The following SUGCT variants were observed in gnomAD, a reference collection of about 807,000 sequenced individuals.
SUGCT encodes the protein succinyl-CoA:glutarate-CoA transferase.
Under a neutral mutation model 55.0 loss-of-function variants are expected in SUGCT, and 41 were observed. That is an observed-to-expected ratio of 0.74 (90% CI 0.58 to 0.97). The LOEUF (loss-of-function observed/expected upper bound fraction) is 0.97. Ranked by LOEUF, SUGCT falls within the 50% of genes least tolerant of loss-of-function variation. The pLI is 0.00. For synonymous variants in SUGCT, 187 were observed against 200.4 expected, an observed-to-expected ratio of 0.93 and a Z score of 0.56; for missense variants, 568 against 547.8, an observed-to-expected ratio of 1.04 and a Z score of -0.37.
intron 12 of SUGCT, among the ~76,000 whole-genome samples, chr7:40,741,221 G>A (rs1205566448): frequency 2.6e-5 from 4 of 151,452 alleles, no homozygotes; most frequent in Admixed American, 2.0e-4. Flanking sequence ...TCAGTGAGCC[G>A]AGATCACGCC....
chr7:40,340,059 C>A (rs911686069), intron 9 of SUGCT, among the ~76,000 whole-genome samples: 4 of 152,084 alleles, frequency 2.6e-5, no homozygotes, highest in African/African-American at 9.7e-5. Flanking sequence ...CATTCCTGGA[C>A]CCTAGGTTAA....
the SUGCT span, among the ~76,000 whole-genome samples, chr7:40,880,938 A>C: frequency 5.9e-5 from 9 of 152,350 alleles, no homozygotes; most frequent in African/African-American, 2.2e-4. Context: ...ATGACCCTCA[A>C]GCATTTGGTC....
intron 9 of SUGCT, among the ~76,000 whole-genome samples, chr7:40,390,418 A>T (rs2151299988): frequency 6.6e-6 from 1 of 152,334 alleles, no homozygotes; most frequent in East Asian, 1.9e-4. Context: ...CCTTAAGCTG[A>T]TAAGCAACTT....
intron 12 of SUGCT, among the ~76,000 whole-genome samples, chr7:40,696,981 T>G (rs1784960788): frequency 6.6e-6 from 1 of 152,164 alleles, no homozygotes; most frequent in South Asian, 2.1e-4. Context: ...TAGATTATAG[T>G]GTGTAATTAG....
chr7:40,794,670 G>A (rs139881986), intron 13 of SUGCT, among the ~76,000 whole-genome samples: 64 of 152,164 alleles, frequency 4.2e-4, no homozygotes, highest in African/African-American at 1.4e-3. Context: ...TTTGCTGTGT[G>A]TACTGGATCC....
intron 13 of SUGCT, among the ~76,000 whole-genome samples, chr7:40,835,742 T>C (rs1792931772): frequency 6.6e-6 from 1 of 152,198 alleles, no homozygotes; most frequent in Admixed American, 6.5e-5. Flanking sequence ...AATGTTAAGC[T>C]TCATGAACCC....
chr7:40,198,911 A>G (rs980629574), intron 6 of SUGCT, among the ~76,000 whole-genome samples: 1 of 151,988 alleles, frequency 6.6e-6, no homozygotes, highest in African/African-American at 2.4e-5. Flanking sequence ...GGAGAATTGC[A>G]TGAACCTGGA....
intron 1 of SUGCT, among the ~76,000 whole-genome samples, 189 bp from the exon 2 acceptor site, chr7:40,180,758 G>A (rs1198962450): frequency 6.6e-6 from 1 of 152,100 alleles, no homozygotes; most frequent in Admixed American, 6.5e-5. Flanking sequence ...GAAAGTGCTG[G>A]GATACAGGAG....
At chr7:40,182,556 C>A (rs1304809620) in intron 3 of SUGCT, among the ~76,000 whole-genome samples, 1 of 138,642 alleles carries the variant, frequency 7.2e-6, no homozygotes, top group South Asian at 2.3e-4. Context: ...AGCAAGACTC[C>A]GTTTCAAAAA....
chr7:40,598,881 G>T (rs1798156620), intron 12 of SUGCT, among the ~76,000 whole-genome samples: 1 of 152,186 alleles, frequency 6.6e-6, no homozygotes, highest in Admixed American at 6.5e-5. Flanking sequence ...TTGAGAGAGA[G>T]AGAATATTAG....
chr7:40,682,729 C>G (rs1469111796), intron 12 of SUGCT, among the ~76,000 whole-genome samples: 1 of 151,932 alleles, frequency 6.6e-6, no homozygotes, highest in African/African-American at 2.4e-5. Context: ...CCCTCCCCAC[C>G]CCCCAAAAAA....
At chr7:40,855,072 G>C (rs1340419806) in intron 13 of SUGCT, among the ~76,000 whole-genome samples, 1 of 151,078 alleles carries the variant, frequency 6.6e-6, no homozygotes, top group Non-Finnish European at 1.5e-5. Flanking sequence ...CTAGTGCTTA[G>C]GTCTTGAATT....
chr7:40,619,930 A>T (rs998465840), intron 12 of SUGCT, among the ~76,000 whole-genome samples: 3 of 152,238 alleles, frequency 2.0e-5, no homozygotes, highest in Non-Finnish European at 4.4e-5. Flanking sequence ...TCACACAGCA[A>T]CAGGATAACT....
At chr7:40,930,359 C>T in the SUGCT span, among the ~76,000 whole-genome samples, 1 of 152,156 alleles carries the variant, frequency 6.6e-6, no homozygotes, top group Non-Finnish European at 1.5e-5. Context: ...TAGCGTGATG[C>T]CTCCAGCTTT....
chr7:40,158,691 A>T (rs547350206), intron 1 of SUGCT, among the ~76,000 whole-genome samples: 3 of 152,342 alleles, frequency 2.0e-5, no homozygotes, highest in Non-Finnish European at 4.4e-5. Context: ...CAGAGGTTGC[A>T]GTGAGCTGAG....
At chr7:40,201,853 G>A (rs1410127171) in intron 6 of SUGCT, among the ~76,000 whole-genome samples, 1 of 152,116 alleles carries the variant, frequency 6.6e-6, no homozygotes. Flanking sequence ...ACTTACTGGA[G>A]TACCACCAGA....
intron 12 of SUGCT, among the ~76,000 whole-genome samples, chr7:40,515,656 T>G (rs1021687802): frequency 2.6e-5 from 4 of 152,258 alleles, no homozygotes; most frequent in African/African-American, 9.6e-5. Context: ...ACTTCATTCC[T>G]TTATATGGCT....
chr7:40,410,188 C>T (rs761809618), intron 9 of SUGCT, among the ~76,000 whole-genome samples: 12 of 152,108 alleles, frequency 7.9e-5, no homozygotes, highest in Non-Finnish European at 1.5e-4. Flanking sequence ...TTTGTTACTT[C>T]TGGGTAGTTG....
chr7:40,520,773 A>C (rs1188646499), intron 12 of SUGCT, among the ~76,000 whole-genome samples: 1 of 152,176 alleles, frequency 6.6e-6, no homozygotes, highest in East Asian at 1.9e-4. Flanking sequence ...CAATTAAAAA[A>C]ATAATAAATT....
Sources: gnomAD v4.1 joint callset for allele counts (sites outside exome capture counted in the v4.1 genomes callset) on GRCh38, gnomAD v4.1.1 for gene constraint, MANE v1.5 for transcripts, NCBI Gene and HGNC (gene_info 2026-07-23, HGNC 2026-07-21) for gene names.